Variants in TMEM223 observed in about 807,000 individuals in gnomAD.
TMEM223 encodes transmembrane protein 223.
In TMEM223, 14 loss-of-function variants were observed where a neutral mutation model predicts 14.1. The ratio of observed to expected loss-of-function variants is 0.99; its 90% CI spans 0.66 to 1.55. The LOEUF is 1.55. Among genes scored for constraint, TMEM223 ranks in the 40% most tolerant of loss-of-function variants. The pLI, the probability that TMEM223 is intolerant of heterozygous loss-of-function variation, is 0.00. For missense variants in TMEM223, 346 were observed against 269.9 expected (o/e 1.28, Z -1.97); for synonymous variants, 145 against 120.5 (o/e 1.20, Z -1.33).
downstream of TMEM223, among the ~76,000 whole-genome samples, chr11:62,784,136 C>T (rs531535969): frequency 4.1e-5 from 6 of 145,102 alleles, no homozygotes; most frequent in African/African-American, 7.6e-5. Flanking sequence ...CTTACAGGCA[C>T]GCACCACCAG....
rs571283933 is a variant in TMEM223 at position 62,774,791 on chromosome 11, A to G, written c.315-126T>C. ...TGGCGAAATCTTGTTTCTACTAAAA[A>G]TACAAAAATTAGCTGGGCGTGGTGG... On this transcript the variant is annotated intron_variant, in intron 1 of 2. Coordinates refer to the TMEM223 transcript ENST00000528367. The G allele has an allele frequency of 3.7e-5, 13 of 349,954 alleles. No individual in the cohort carries two copies. The East Asian group carries it at 1.2e-3, about 32-fold the overall frequency. 21.7% of individuals were successfully genotyped at this position (349,954 alleles called of 1,614,324 possible).
At chr11:62,776,647 T>G (rs2134703447) in intron 1 of TMEM223, among the ~76,000 whole-genome samples, 1 of 151,660 alleles carries the variant, frequency 6.6e-6, no homozygotes, top group Admixed American at 6.6e-5. Flanking sequence ...GGCCAGGACT[T>G]CAAGACCAGC....
At chr11:62,791,530 G>T in intron 1 of TMEM223, 149 bp downstream of exon 1, 2 of 1,075,932 alleles carry the variant, frequency 1.9e-6, no homozygotes, top group Non-Finnish European at 2.6e-6. Flanking sequence ...CATTTGAGCC[G>T]CCGCGCCCGG....
At chr11:62,788,974 T>C, downstream of TMEM223, 1 of 1,568,118 alleles carries the variant, frequency 6.4e-7, no homozygotes, top group East Asian at 2.3e-5. Context: ...AGAGACTGTA[T>C]CTAGAGACAT....
chr11:62,786,371 G>A, downstream of TMEM223: 2 of 1,614,102 alleles, frequency 1.2e-6, no homozygotes, highest in Middle Eastern at 3.3e-4. Flanking sequence ...TGGACACAAA[G>A]TCTATGGAGC....
chr11:62,783,191 T>C (rs887294593), downstream of TMEM223, among the ~76,000 whole-genome samples: 3 of 152,164 alleles, frequency 2.0e-5, no homozygotes, highest in Admixed American at 6.5e-5. Context: ...CTTTAAAAAT[T>C]AGGTGTTGGC....
At chr11:62,782,814 C>G (rs1177505356), downstream of TMEM223, 1 of 1,614,072 alleles carries the variant, frequency 6.2e-7, no homozygotes, top group Non-Finnish European at 8.5e-7. Flanking sequence ...GCTGCATGCT[C>G]TTGGCTGGAA....
chr11:62,783,268 G>A (rs533789946), downstream of TMEM223, among the ~76,000 whole-genome samples: 13 of 152,234 alleles, frequency 8.5e-5, no homozygotes, highest in Admixed American at 5.2e-4. Context: ...GGATCACAAG[G>A]TCAGGAGATC....
chr11:62,772,868 T>C (rs1425462209), intron 2 of TMEM223, among the ~76,000 whole-genome samples: 1 of 151,290 alleles, frequency 6.6e-6, no homozygotes, highest in Non-Finnish European at 1.5e-5. Context: ...TTTTTGTTTG[T>C]TTTTGTTTTT....
At chr11:62,771,711 TC>T (rs1221219005) in exon 3 of TMEM223, 5 of 190,766 alleles carry the variant, frequency 2.6e-5, no homozygotes, top group Non-Finnish European at 4.5e-5. Flanking sequence ...CCCGCGGAGG[TC>T]AGTTCCCACG....
At chr11:62,789,825 G>A (rs576628297), downstream of TMEM223, 55 of 1,577,584 alleles carry the variant, frequency 3.5e-5, no homozygotes, top group East Asian at 5.8e-4. Context: ...TGGTGTGTGG[G>A]TGGGAAGGAC....
intron 1 of TMEM223, chr11:62,778,123 T>C: frequency 6.2e-7 from 1 of 1,614,110 alleles, no homozygotes. Context: ...GAGACAGCTG[T>C]CAGAGGTGGC....
intron 1 of TMEM223, among the ~76,000 whole-genome samples, chr11:62,777,152 A>G (rs1301679112): frequency 6.6e-6 from 1 of 151,440 alleles, no homozygotes; most frequent in Admixed American, 6.6e-5. Context: ...ATGTCAAAAA[A>G]AAAAACAACC....
At chr11:62,789,283 C>T (rs2084329941), downstream of TMEM223, 2 of 1,613,990 alleles carry the variant, frequency 1.2e-6, no homozygotes, top group Non-Finnish European at 1.7e-6. Context: ...CTTGTTCTCT[C>T]CCTTTCAGAG....
chr11:62,783,003 C>T (rs538182991), downstream of TMEM223, among the ~76,000 whole-genome samples: 13 of 152,342 alleles, frequency 8.5e-5, no homozygotes, highest in African/African-American at 3.1e-4. Context: ...CTTATCCTTT[C>T]GAAAGTCCTA....
chr11:62,791,878 A>G lies in TMEM223; in HGVS notation c.117T>C (p.His39=). Residue 39 remains histidine, a synonymous_variant, in exon 1 of 2, where the codon CAT becomes CAC. Transcript: ENST00000307366. The stretch of plus-strand genomic sequence containing the variant: ...GGATGGTGAAGAAGCGGCCCCGATC[A>G]TGCTCAAAGAGCAGCACATCCCGTT... ...TLQRDVLLFE[H]DRGRFFTILG... is the part of the protein sequence containing the mutation. 6.3e-7 allele frequency: 1 copy of G among 1,596,404 alleles called. No individual in the cohort carries two copies. The highest frequency in any genetic ancestry group is 8.5e-7 in the Non-Finnish European group (1 of 1,172,140).
intron 1 of TMEM223, chr11:62,774,679 A>G: frequency 2.2e-6 from 1 of 454,918 alleles, no homozygotes; most frequent in Non-Finnish European, 4.4e-6. Context: ...TGAACAAAAC[A>G]GGTTCCAGCA....
At chr11:62,789,471 C>T (rs1565193824), downstream of TMEM223, 6 of 1,612,694 alleles carry the variant, frequency 3.7e-6, no homozygotes, top group African/African-American at 2.7e-5. Flanking sequence ...GACTACCTTC[C>T]CTCTGCAGCG....
At chr11:62,773,592 C>G (rs1590931900) in intron 2 of TMEM223, among the ~76,000 whole-genome samples, 1 of 152,026 alleles carries the variant, frequency 6.6e-6, no homozygotes, top group African/African-American at 2.4e-5. Flanking sequence ...GGATTACAGG[C>G]ATGTGCCACC....
Sources: allele counts gnomAD v4.1 joint callset (sites outside exome capture counted in the v4.1 genomes callset), GRCh38; gene constraint gnomAD v4.1.1; transcripts MANE v1.5; gene names NCBI Gene and HGNC (gene_info 2026-07-23, HGNC 2026-07-21).